The following NWD2 variants were observed in gnomAD, a reference collection of about 807,000 sequenced individuals.
NWD2 encodes the protein NACHT and WD repeat domain-containing protein 2.
In NWD2, 37 loss-of-function variants were observed where a neutral mutation model predicts 132.7. That is an observed-to-expected ratio of 0.28 (90% CI 0.21 to 0.37). NWD2 has a LOEUF of 0.37. NWD2 is among the 10% of genes least tolerant of loss of function. The pLI is 1.00. For synonymous variants in NWD2, 705 were observed against 803.0 expected (o/e 0.88, Z 2.06); for missense variants, 1,592 against 2,122.4 (o/e 0.75, Z 4.91).
rs79709375 is a variant in NWD2 at position 37,321,218 on chromosome 4, G to T, written c.152-4718G>T. Among the ~76,000 whole-genome samples, 1,269 of 152,202 alleles carry T rather than the reference G, an allele frequency of 8.3e-3. 50 individuals carry two copies. The East Asian group carries it at 0.13, about 15-fold the overall frequency. ...CCTTTAGTTTGTTGAAGATAGAGCT[G>T]TATGAAGCTCCAATCTAGCACGGTC... On this transcript the variant is annotated intron_variant, in intron 1 of 6. Transcript: ENST00000309447.
intron 3 of NWD2, among the ~76,000 whole-genome samples, chr4:37,365,504 C>A (rs1318112808): frequency 6.6e-6 from 1 of 152,080 alleles, no homozygotes; most frequent in Admixed American, 6.5e-5. Context: ...AAATCTAAAG[C>A]CTCAGATTTT....
At chr4:37,351,843 C>T (rs1229254040) in intron 2 of NWD2, among the ~76,000 whole-genome samples, 2 of 152,156 alleles carry the variant, frequency 1.3e-5, no homozygotes, top group Admixed American at 1.3e-4. Flanking sequence ...CTAAACACTG[C>T]TTTAGCTATG....
At chr4:37,347,002 A>C (rs1225673566) in intron 2 of NWD2, among the ~76,000 whole-genome samples, 1 of 152,142 alleles carries the variant, frequency 6.6e-6, no homozygotes, top group Non-Finnish European at 1.5e-5. Context: ...GCATCCTATA[A>C]ATTTTAGTAT....
chr4:37,440,685 A>T (rs898303672), intron 6 of NWD2, among the ~76,000 whole-genome samples: 1 of 152,172 alleles, frequency 6.6e-6, no homozygotes, highest in East Asian at 1.9e-4. Context: ...AGCAGCGGGT[A>T]ATCTGTTAAC....
In NWD2 at chr4:37,410,221, G is replaced by C. The variant is rs1207769101; in HGVS notation, c.358-20351G>C. ...GACACAGACTGGCAAATTGGATAAAGAGTCAAGACCCATCAGTGTGTTGTG... is the reference window on the plus strand; with the variant it reads ...GACACAGACTGGCAAATTGGATAAACAGTCAAGACCCATCAGTGTGTTGTG... On this transcript the variant is annotated intron_variant, in intron 3 of 6. Coordinates refer to ENST00000309447, the MANE Select transcript of NWD2 (RefSeq NM_001144990.2). 2.6e-5 allele frequency among the ~76,000 whole-genome samples: 4 copies of C among 152,168 alleles called. No homozygotes were observed. In the East Asian group the frequency reaches 5.8e-4, roughly 22 times the overall value.
intron 3 of NWD2, among the ~76,000 whole-genome samples, chr4:37,410,950 A>C (rs1721142377): frequency 1.3e-5 from 2 of 152,240 alleles, no homozygotes; most frequent in South Asian, 4.1e-4. Context: ...AATCAATGAG[A>C]ATGAAGACAC....
chr4:37,326,763 T>C (rs1191976922), intron 2 of NWD2, among the ~76,000 whole-genome samples: 1 of 152,218 alleles, frequency 6.6e-6, no homozygotes, highest in African/African-American at 2.4e-5. Flanking sequence ...CTATCTAAAC[T>C]ACACATTTAC....
intron 3 of NWD2, among the ~76,000 whole-genome samples, chr4:37,396,784 G>A (rs769604475): frequency 6.6e-6 from 1 of 152,158 alleles, no homozygotes; most frequent in Non-Finnish European, 1.5e-5. Context: ...TGTAATCCCA[G>A]CACTTTGGAA....
intron 3 of NWD2, among the ~76,000 whole-genome samples, chr4:37,364,993 C>CA (rs1487899903): frequency 3.9e-5 from 6 of 152,178 alleles, no homozygotes; most frequent in African/African-American, 1.4e-4. Context: ...CTGTAACTGA[C>CA]AAAGACTAAC....
chr4:37,443,525 T>C lies in NWD2; in HGVS notation c.1537T>C (p.Phe513Leu), dbSNP rs1255772689. Reference sequence around the variant, plus strand: ...ACTGCAGAGACCTCTAGTCATAATATTCGATGCACTAGAGCAGCTCTCAGA... The same window carrying C: ...ACTGCAGAGACCTCTAGTCATAATACTCGATGCACTAGAGCAGCTCTCAGA... ...SSLQRPLVIIFDALEQLSEND... is the reference protein window; with the variant it reads ...SSLQRPLVIILDALEQLSEND... The change falls in exon 7 of 7, where the codon TTC (phenylalanine) becomes CTC (leucine). Residue 513 changes from phenylalanine (F) to leucine (L), a missense_variant. Transcript: ENST00000309447. The surrounding 1 kb of genome is among the most constrained non-coding windows in gnomAD (Gnocchi z 4.1). The C allele has an allele frequency of 4.5e-6, 7 of 1,551,814 alleles. No homozygotes were observed. Among genetic ancestry groups the C allele is most frequent in the Middle Eastern group, 1.7e-4 (1 of 5,992 alleles).
chr4:37,442,972 T>C (rs1038830632), intron 6 of NWD2, among the ~76,000 whole-genome samples: 5 of 152,020 alleles, frequency 3.3e-5, no homozygotes, highest in Non-Finnish European at 7.4e-5. Context: ...TAGATATTTG[T>C]ATTTATAATT....
chr4:37,341,730 G>A (rs190691106), intron 2 of NWD2, among the ~76,000 whole-genome samples: 4 of 152,224 alleles, frequency 2.6e-5, no homozygotes, highest in African/African-American at 9.6e-5. Flanking sequence ...TAACTTCTCC[G>A]TTCCTCAGAT....
At chr4:37,414,440 T>G (rs1189677311) in intron 3 of NWD2, among the ~76,000 whole-genome samples, 1 of 151,836 alleles carries the variant, frequency 6.6e-6, no homozygotes, top group Non-Finnish European at 1.5e-5. Flanking sequence ...GAGATCAGCT[T>G]TAAGTGGCCT....
chr4:37,327,228 T>A lies in NWD2; in HGVS notation c.240+1204T>A, dbSNP rs533150827. Among the ~76,000 whole-genome samples the A allele has an allele frequency of 5.3e-5, 8 of 152,280 alleles. No homozygotes were observed. In the East Asian group the frequency reaches 1.5e-3, roughly 29 times the overall value. ...AAGCATATAATCCCATCTTTAGGTT[T>A]GTTTTTGCATCATTTTTGTCAACAG... On this transcript the variant is annotated intron_variant, in intron 2 of 6. Transcript: ENST00000309447.
At chr4:37,270,783 T>A (rs1717856324) in intron 1 of NWD2, among the ~76,000 whole-genome samples, 1 of 151,810 alleles carries the variant, frequency 6.6e-6, no homozygotes, top group Admixed American at 6.6e-5. Flanking sequence ...AAATTTATCA[T>A]TTTTTTCAAA....
At chr4:37,396,998 A>T (rs966418774) in intron 3 of NWD2, among the ~76,000 whole-genome samples, 2 of 151,022 alleles carry the variant, frequency 1.3e-5, no homozygotes, top group African/African-American at 4.9e-5. Flanking sequence ...GTGCCATAGC[A>T]CTCCAGCCTG....
chr4:37,272,167 A>G (rs776540603), intron 1 of NWD2, among the ~76,000 whole-genome samples: 22 of 151,782 alleles, frequency 1.4e-4, no homozygotes, highest in Non-Finnish European at 2.4e-4. Flanking sequence ...GTCGTGATGT[A>G]TTAATATTAC....
rs750373288 is a variant in NWD2 at position 37,245,048 on chromosome 4, G to A, written c.-20G>A. The A allele has an allele frequency of 1.2e-5, 18 of 1,542,956 alleles. No homozygotes were observed. The African/African-American group carries it at 2.1e-4, about 18-fold the overall frequency. On this transcript the variant is annotated 5_prime_UTR_variant, in exon 1 of 7. Transcript: ENST00000309447. Reference sequence around the variant, plus strand: ...GCAGGAGGTGGCGGCGGCGGCAGTGGCTGTTCCTCCCAGAGGGCGATGTGG... The same window carrying A: ...GCAGGAGGTGGCGGCGGCGGCAGTGACTGTTCCTCCCAGAGGGCGATGTGG...
chr4:37,406,702 C>T (rs764659407), intron 3 of NWD2, among the ~76,000 whole-genome samples: 91 of 152,008 alleles, frequency 6.0e-4, no homozygotes, highest in East Asian at 1.4e-3. Flanking sequence ...GTTTGAGACC[C>T]GCCTGACCAA....
Sources: allele counts gnomAD v4.1 joint callset (sites outside exome capture counted in the v4.1 genomes callset), GRCh38; gene constraint gnomAD v4.1.1; non-coding constraint Gnocchi (gnomAD v3.1); transcripts MANE v1.5; gene names NCBI Gene and HGNC (gene_info 2026-07-23, HGNC 2026-07-21).